CFAP61: variants seen among roughly 807,000 people sequenced by gnomAD.
The protein encoded by CFAP61 is cilia and flagella associated protein 61.
A neutral mutation model predicts 135.6 loss-of-function variants in CFAP61; 107 were observed. That is an observed-to-expected ratio of 0.79 (90% CI 0.67 to 0.93). The LOEUF is 0.93. Ranked by LOEUF, CFAP61 falls within the 40% of genes least tolerant of loss-of-function variation. The pLI, the probability that CFAP61 is intolerant of heterozygous loss-of-function variation, is 0.00. For missense variants in CFAP61, 1,507 were observed against 1,556.2 expected (o/e 0.97, Z 0.53); for synonymous variants, 575 against 578.5 (o/e 0.99, Z 0.09).
chr20:20,087,945 G>A (rs1180872790), intron 6 of CFAP61, among the ~76,000 whole-genome samples: 1 of 151,982 alleles, frequency 6.6e-6, no homozygotes, highest in Non-Finnish European at 1.5e-5. Context: ...CTGGGCCACA[G>A]GTGACCACCG....
At chr20:20,060,034 G>A (rs140776142) in intron 2 of CFAP61, among the ~76,000 whole-genome samples, 35 of 150,456 alleles carry the variant, frequency 2.3e-4, no homozygotes, top group African/African-American at 8.6e-4. Context: ...TAATGAAACA[G>A]CAAAACACTC....
At chr20:20,298,070 G>T in intron 24 of CFAP61, 111 bp from the exon 25 acceptor site, 1 of 715,806 alleles carries the variant, frequency 1.4e-6, no homozygotes. Context: ...TTGCAAAGAG[G>T]GATAAGATAT....
intron 2 of CFAP61, among the ~76,000 whole-genome samples, chr20:20,065,416 A>G (rs758358536): frequency 6.6e-6 from 1 of 152,058 alleles, no homozygotes; most frequent in Non-Finnish European, 1.5e-5. Context: ...TGGAATCTTT[A>G]TAACTGAAAA....
At chr20:20,064,287 T>A (rs553627023) in intron 2 of CFAP61, among the ~76,000 whole-genome samples, 223 of 152,332 alleles carry the variant, frequency 1.5e-3, no homozygotes, top group Admixed American at 4.4e-3. Context: ...TTTCACGGAT[T>A]AAAGATTTCT....
In CFAP61 at chr20:20,204,651, C is replaced by T. The variant is rs532206714; in HGVS notation, c.1932+4749C>T. ...CTTCCTTAAACTTGGTAACTTTCAC[C>T]GCCAGTGGTTAGACTTCCCTTGGTT... On this transcript the variant is annotated intron_variant, in intron 17 of 26. Transcript: ENST00000245957. Among the ~76,000 whole-genome samples the T allele has an allele frequency of 9.2e-5, 14 of 152,256 alleles. No homozygotes were observed. The South Asian group carries it at 2.7e-3, about 29-fold the overall frequency.
At chr20:20,190,542 A>C (rs1184514641) in intron 14 of CFAP61, among the ~76,000 whole-genome samples, 1 of 152,184 alleles carries the variant, frequency 6.6e-6, no homozygotes, top group Non-Finnish European at 1.5e-5. Context: ...TGGTGGATAC[A>C]TAAACCTATA....
intron 21 of CFAP61, among the ~76,000 whole-genome samples, chr20:20,268,119 A>G (rs2052943778): frequency 6.6e-6 from 1 of 152,224 alleles, no homozygotes; most frequent in Non-Finnish European, 1.5e-5. Context: ...GAATGTGGAC[A>G]GTTTTCATCA....
intron 2 of CFAP61, among the ~76,000 whole-genome samples, chr20:20,058,835 A>G (rs2146536600): frequency 6.6e-6 from 1 of 152,348 alleles, no homozygotes; most frequent in Non-Finnish European, 1.5e-5. Flanking sequence ...CAGACTCCAA[A>G]TAATAACCCC....
At chr20:20,285,391 A>T (rs2147057706) in intron 22 of CFAP61, among the ~76,000 whole-genome samples, 1 of 151,202 alleles carries the variant, frequency 6.6e-6, no homozygotes, top group Admixed American at 6.6e-5. Context: ...TTCTTACCCT[A>T]TTCTTCTCTC....
chr20:20,143,664 T>C (rs959866214), intron 9 of CFAP61, among the ~76,000 whole-genome samples: 1 of 152,128 alleles, frequency 6.6e-6, no homozygotes, highest in African/African-American at 2.4e-5. Flanking sequence ...GCTGCCCCAG[T>C]TGTTTGCCTT....
chr20:20,348,025 A>C (rs2058696430), intron 26 of CFAP61, among the ~76,000 whole-genome samples: 1 of 152,156 alleles, frequency 6.6e-6, no homozygotes, highest in Admixed American at 6.6e-5. Context: ...AAGACCTTGA[A>C]TCAATAATCA....
At chr20:20,251,811 T>C (rs756388201) in intron 20 of CFAP61, 48 bp downstream of exon 20, 4 of 1,586,276 alleles carry the variant, frequency 2.5e-6, no homozygotes, top group South Asian at 1.1e-5. Flanking sequence ...GAGAGCTCCA[T>C]GAAAGCCATT....
chr20:20,098,758 C>T lies in CFAP61; in HGVS notation c.803C>T (p.Pro268Leu), dbSNP rs1057049886. 3.1e-6 allele frequency: 5 copies of T among 1,613,922 alleles called. No homozygotes were observed. The African/African-American group carries it at 5.3e-5, about 17-fold the overall frequency. ...GGCCCTTTCCACGGACTCTGTTTCC[C>T]ACATCCTGATGACGTTCTGGAATCA... ...DLGPFHGLCF[P>L]HPDDVLESPQ... is the part of the protein sequence containing the mutation. The change falls in exon 8 of 27, where the codon CCA becomes CTA. Residue 268 changes from proline (P) to leucine (L), a missense_variant. Pro to Leu is a moderately conservative substitution (Grantham distance 98). Coordinates refer to ENST00000245957, the MANE Select transcript of CFAP61 (RefSeq NM_015585.4).
chr20:20,086,606 G>A (rs1433887924), intron 6 of CFAP61, among the ~76,000 whole-genome samples: 2 of 152,036 alleles, frequency 1.3e-5, no homozygotes, highest in Admixed American at 6.6e-5. Flanking sequence ...CTGCCCAGAC[G>A]CTGCCCCTTG....
chr20:20,267,615 C>G (rs1466385197), intron 21 of CFAP61: 2 of 152,560 alleles, frequency 1.3e-5, no homozygotes, highest in Non-Finnish European at 2.9e-5. Context: ...ATTTCCAAGT[C>G]AGCGATGAGA....
chr20:20,164,069 A>C lies in CFAP61; in HGVS notation c.1046A>C (p.Asp349Ala), dbSNP rs374124135. ...SEPEDIEKLS[D>A]ISTGYAQYHH... ...CTCTAGGACATAGAAAAACTCAGTG[A>C]CATCTCCACTGGATATGCACAGTAT... The change falls in exon 11 of 27, where the codon GAC becomes GCC. Residue 349 changes from aspartate to alanine, a missense_variant. By Grantham distance (126) the Asp-to-Ala change is moderately radical. Transcript: ENST00000245957. 3 of 1,610,224 alleles carry C rather than the reference A, an allele frequency of 1.9e-6. No homozygotes were observed. Among genetic ancestry groups the C allele is most frequent in the Non-Finnish European group, 2.5e-6 (3 of 1,177,986 alleles).
chr20:20,299,688 T>C (rs575529210), intron 25 of CFAP61, among the ~76,000 whole-genome samples: 1 of 152,368 alleles, frequency 6.6e-6, no homozygotes, highest in African/African-American at 2.4e-5. Flanking sequence ...GCACGGTGTT[T>C]GTGAGAACCA....
At chr20:20,133,363 C>T (rs539628611) in intron 8 of CFAP61, among the ~76,000 whole-genome samples, 5 of 152,192 alleles carry the variant, frequency 3.3e-5, no homozygotes, top group Non-Finnish European at 7.3e-5. Context: ...GGCTTTGGCT[C>T]TGTTGCATGT....
intron 18 of CFAP61, among the ~76,000 whole-genome samples, chr20:20,230,759 T>A (rs1258141468): frequency 6.6e-6 from 1 of 152,220 alleles, no homozygotes; most frequent in Non-Finnish European, 1.5e-5. Context: ...TTTCACCATG[T>A]TGGCCGGGCT....
Sources: gnomAD v4.1 joint callset for allele counts (sites outside exome capture counted in the v4.1 genomes callset) on GRCh38, gnomAD v4.1.1 for gene constraint, MANE v1.5 for transcripts, NCBI Gene and HGNC (gene_info 2026-07-23, HGNC 2026-07-21) for gene names.